Variants in CSTF3 observed in about 807,000 individuals in gnomAD.
CSTF3 encodes the protein CF-1 77 kDa subunit.
Under a neutral mutation model 105.8 loss-of-function variants are expected in CSTF3, and 29 were observed. The ratio of observed to expected loss-of-function variants is 0.27; its 90% CI spans 0.20 to 0.37. The LOEUF is 0.37. Among genes scored for constraint, CSTF3 ranks in the 10% least tolerant of loss-of-function variants. The pLI, the probability that CSTF3 is intolerant of heterozygous loss-of-function variation, is 1.00. For missense variants in CSTF3, 357 were observed against 879.3 expected, an observed-to-expected ratio of 0.41 and a Z score of 7.51; for synonymous variants, 252 against 281.9, an observed-to-expected ratio of 0.89 and a Z score of 1.06.
At chr11:33,102,754 A>G (rs1418706307) in intron 9 of CSTF3, among the ~76,000 whole-genome samples, 3 of 152,226 alleles carry the variant, frequency 2.0e-5, no homozygotes, top group Non-Finnish European at 4.4e-5. Context: ...CACACAATCA[A>G]AATGTGTCCC....
chr11:33,130,632 CTTGAT>C (rs1590278218), intron 3 of CSTF3, among the ~76,000 whole-genome samples: 1 of 152,074 alleles, frequency 6.6e-6, no homozygotes, highest in East Asian at 1.9e-4. Flanking sequence ...TAGTTTTGGC[CTTGAT>C]TTAAGTAAAT....
At chr11:33,158,197 G>A (rs1348423709) in intron 1 of CSTF3, among the ~76,000 whole-genome samples, 1 of 152,088 alleles carries the variant, frequency 6.6e-6, no homozygotes, top group African/African-American at 2.4e-5. Flanking sequence ...TTATTAAAAA[G>A]TTAAAGAAAA....
intron 3 of CSTF3, 56 bp from the exon 4 acceptor site, chr11:33,108,474 G>T: frequency 1.5e-6 from 2 of 1,308,716 alleles, no homozygotes; most frequent in South Asian, 1.8e-5. Context: ...GCATCAGTCT[G>T]AATTTTTGAC....
Position 33,142,797 on chromosome 11 carries a change from A to T in CSTF3, c.28-811T>A. On this transcript the variant is annotated intron_variant, in intron 1 of 20. Transcript: ENST00000323959. ...GAATGTCGCTTTTTACGTATTTATAAATCCATTCAATGTTTGACTTTTTAA... is the reference window on the plus strand; with the variant it reads ...GAATGTCGCTTTTTACGTATTTATATATCCATTCAATGTTTGACTTTTTAA... Among the ~76,000 whole-genome samples, 2 of 152,222 alleles carry T rather than the reference A, an allele frequency of 1.3e-5. 1 individual carries two copies.
At chr11:33,123,503 T>A (rs1855513362) in intron 3 of CSTF3, among the ~76,000 whole-genome samples, 1 of 152,140 alleles carries the variant, frequency 6.6e-6, no homozygotes, top group Non-Finnish European at 1.5e-5. Flanking sequence ...GCAATTCCAT[T>A]TCTAGGAATT....
intron 5 of CSTF3, among the ~76,000 whole-genome samples, chr11:33,106,903 T>A (rs766878391): frequency 6.6e-6 from 1 of 152,230 alleles, no homozygotes; most frequent in Non-Finnish European, 1.5e-5. Context: ...CTGGAAAGTA[T>A]AGTTTTATTA....
At chr11:33,136,337 T>C (rs945289358) in intron 3 of CSTF3, 8 of 151,970 alleles carry the variant, frequency 5.3e-5, no homozygotes, top group African/African-American at 1.7e-4. Flanking sequence ...AAATTTAAAG[T>C]TTAAAAATTC....
intron 1 of CSTF3, among the ~76,000 whole-genome samples, chr11:33,145,132 T>C (rs1328059444): frequency 2.6e-5 from 4 of 151,846 alleles, no homozygotes; most frequent in Non-Finnish European, 5.9e-5. Context: ...AAACCACCAG[T>C]GGTTCAAAAA....
chr11:33,125,576 C>T (rs1329369862), intron 3 of CSTF3, among the ~76,000 whole-genome samples: 4 of 152,194 alleles, frequency 2.6e-5, no homozygotes, highest in Non-Finnish European at 5.9e-5. Context: ...CCCCATTCTG[C>T]TCTACTCAGA....
Position 33,099,598 on chromosome 11 carries a change from G to C in CSTF3, c.936+10C>G, listed in dbSNP as rs377479942. ...AAATATCAAAGTGGGGATAGGGAAG[G>C]AACACTTACTCCCTTTTCTGCGAGC... is the stretch of plus-strand genomic sequence containing the variant. On this transcript the variant is annotated intron_variant, in intron 11 of 20. Transcript: ENST00000323959. The surrounding 1 kb of genome is among the most constrained non-coding windows in gnomAD (Gnocchi z 4.1). 62 of 1,549,672 alleles carry C rather than the reference G, an allele frequency of 4.0e-5. No individual in the cohort carries two copies. Among genetic ancestry groups the C allele is most frequent in the Non-Finnish European group, 5.1e-5 (58 of 1,131,506 alleles).
At chr11:33,123,961 TAACTTTTGAG>T in intron 3 of CSTF3, among the ~76,000 whole-genome samples, 1 of 152,220 alleles carries the variant, frequency 6.6e-6, no homozygotes, top group East Asian at 1.9e-4. Flanking sequence ...AGGTGACATA[TAACTTTTGAG>T]TTTTTACATT....
At chr11:33,140,271 G>C (rs1382575100) in intron 3 of CSTF3, among the ~76,000 whole-genome samples, 1 of 151,956 alleles carries the variant, frequency 6.6e-6, no homozygotes, top group Non-Finnish European at 1.5e-5. Flanking sequence ...CCTGTTTTGT[G>C]CCAAGCTACT....
intron 3 of CSTF3, among the ~76,000 whole-genome samples, chr11:33,109,164 G>A (rs1855355235): frequency 2.0e-5 from 3 of 152,198 alleles, no homozygotes; most frequent in Admixed American, 6.5e-5. Flanking sequence ...CATGTGCAAA[G>A]ACCAAGATTA....
At chr11:33,090,750 A>G in intron 16 of CSTF3, 23 bp from the exon 17 acceptor site, 1 of 1,469,738 alleles carries the variant, frequency 6.8e-7, no homozygotes, top group Non-Finnish European at 9.1e-7. Context: ...AAATACAATC[A>G]ATACTTTAAT....
chr11:33,105,774 C>T, intron 7 of CSTF3, 81 bp from the exon 8 acceptor site: 1 of 1,530,842 alleles, frequency 6.5e-7, no homozygotes, highest in Non-Finnish European at 9.0e-7. Flanking sequence ...TGGATATCTA[C>T]CCAAAGAACA....
At position 33,141,645 on chromosome 11, in the gene CSTF3, AAAAAT is replaced by A. The variant is rs762286775; in HGVS notation, c.225+17_225+21del. The A allele has an allele frequency of 4.4e-6, 7 of 1,599,656 alleles. No individual in the cohort carries two copies. The highest frequency in any genetic ancestry group is 2.7e-5 in the African/African-American group (2 of 73,628). ...TGAATGCTGCAATACTGATATAAGA[AAAAAT>A]AAAATAAAATAGTAACCTCTGCTTC... is the stretch of plus-strand genomic sequence containing the variant. On this transcript the variant is annotated intron_variant, in intron 3 of 20. Transcript: ENST00000323959.
chr11:33,123,735 G>T (rs1855516014), intron 3 of CSTF3, among the ~76,000 whole-genome samples: 1 of 152,104 alleles, frequency 6.6e-6, no homozygotes, highest in Admixed American at 6.5e-5. Flanking sequence ...ATTTATTAAT[G>T]TAAAGGACAG....
rs555198549 is a variant in CSTF3 at position 33,158,696 on chromosome 11, A to G, written c.27+2603T>C. Among the ~76,000 whole-genome samples the G allele has an allele frequency of 2.0e-5, 3 of 152,298 alleles. No individual in the cohort carries two copies. The East Asian group carries it at 5.8e-4, about 29-fold the overall frequency. On this transcript the variant is annotated intron_variant, in intron 1 of 20. Transcript: ENST00000323959. ...GAAGTACCTGCTAATGTAATGATAT[A>G]ATGTTAAGTATTCTATCCAAAAATA...
intron 15 of CSTF3, among the ~76,000 whole-genome samples, chr11:33,092,818 C>T (rs1282964007): frequency 6.6e-6 from 1 of 152,154 alleles, no homozygotes; most frequent in Non-Finnish European, 1.5e-5. Flanking sequence ...GCTACTTTAA[C>T]TCTTGCAGAG....
Sources: gnomAD v4.1 joint callset for allele counts (sites outside exome capture counted in the v4.1 genomes callset) on GRCh38, gnomAD v4.1.1 for gene constraint, Gnocchi (gnomAD v3.1) non-coding constraint, MANE v1.5 for transcripts, NCBI Gene and HGNC (gene_info 2026-07-23, HGNC 2026-07-21) for gene names.